The following ARHGAP31 variants were observed in gnomAD, a reference collection of about 807,000 sequenced individuals.
ARHGAP31 encodes rho GTPase-activating protein 31.
ARHGAP31 carries 34 observed loss-of-function variants against 113.9 expected under a neutral mutation model. The ratio of observed to expected loss-of-function variants is 0.30; its 90% CI spans 0.23 to 0.40. ARHGAP31 has a LOEUF of 0.40. Among genes scored for constraint, ARHGAP31 ranks in the 10% least tolerant of loss-of-function variants. The pLI is 1.00. For synonymous variants in ARHGAP31, 650 were observed against 684.8 expected, an observed-to-expected ratio of 0.95 and a Z score of 0.79; for missense variants, 1,548 against 1,767.1, an observed-to-expected ratio of 0.88 and a Z score of 2.22.
At chr3:119,383,258 G>C (rs1577022209) in intron 6 of ARHGAP31, 32 bp downstream of exon 6, 2 of 1,613,344 alleles carry the variant, frequency 1.2e-6, no homozygotes, top group Non-Finnish European at 8.5e-7. Context: ...CACTCCACCA[G>C]CTTATCCTTC....
At position 119,380,890 on chromosome 3, in the gene ARHGAP31, GTTC is replaced by G. The variant is rs771235886; in HGVS notation, c.349-9_349-7del. On this transcript the variant is annotated splice_polypyrimidine_tract_variant and intron_variant, in intron 3 of 11. Transcript: ENST00000264245. ...TCAAGCACTCACCAGGCTGCCTTGT[GTTC>G]TTCTCCACAGGAGGCAGTGTCGCAT... The G allele has an allele frequency of 1.2e-6, 2 of 1,613,702 alleles. No homozygotes were observed. Among genetic ancestry groups the G allele is most frequent in the Admixed American group, 3.3e-5 (2 of 60,018 alleles).
chr3:119,346,973 A>C (rs970857945), intron 1 of ARHGAP31, among the ~76,000 whole-genome samples: 1 of 152,222 alleles, frequency 6.6e-6, no homozygotes, highest in Non-Finnish European at 1.5e-5. Flanking sequence ...TTGACAAAAA[A>C]GTGGAGAGCA....
chr3:119,311,039 T>A (rs2079678664), intron 1 of ARHGAP31, among the ~76,000 whole-genome samples: 1 of 152,190 alleles, frequency 6.6e-6, no homozygotes. Flanking sequence ...AGTGACAGCC[T>A]ATGTTCCCCT....
At chr3:119,390,348 G>A (rs1191752707) in intron 6 of ARHGAP31, among the ~76,000 whole-genome samples, 2 of 152,252 alleles carry the variant, frequency 1.3e-5, no homozygotes, top group African/African-American at 4.8e-5. Context: ...GCTGTGGGGA[G>A]GAGAGGCAGC....
intron 1 of ARHGAP31, among the ~76,000 whole-genome samples, chr3:119,302,194 G>T (rs1005494251): frequency 2.0e-5 from 3 of 152,202 alleles, no homozygotes; most frequent in South Asian, 2.1e-4. Flanking sequence ...CCCCCAAGGG[G>T]CTGGCCTCAA....
At chr3:119,313,459 A>T (rs1356831035) in intron 1 of ARHGAP31, among the ~76,000 whole-genome samples, 1 of 152,238 alleles carries the variant, frequency 6.6e-6, no homozygotes, top group Non-Finnish European at 1.5e-5. Flanking sequence ...TTTCATTGAT[A>T]ATTTCTATTA....
At chr3:119,389,192 T>TAACA (rs977682702) in intron 6 of ARHGAP31, among the ~76,000 whole-genome samples, 3 of 151,590 alleles carry the variant, frequency 2.0e-5, no homozygotes, top group Non-Finnish European at 2.9e-5. Context: ...CTTAACCAAC[T>TAACA]AACAAACAAA....
chr3:119,302,293 A>G (rs768882940), intron 1 of ARHGAP31, among the ~76,000 whole-genome samples: 3 of 152,226 alleles, frequency 2.0e-5, no homozygotes, highest in Non-Finnish European at 4.4e-5. Context: ...GCAGTATACA[A>G]TTTCAACTAA....
chr3:119,307,336 C>T (rs958046533), intron 1 of ARHGAP31, among the ~76,000 whole-genome samples: 1 of 152,162 alleles, frequency 6.6e-6, no homozygotes, highest in Admixed American at 6.5e-5. Flanking sequence ...ACCTTCCATA[C>T]CTATTAACTA....
intron 1 of ARHGAP31, among the ~76,000 whole-genome samples, chr3:119,307,962 C>CAAAAAAAAAAAAA (rs1398577788): frequency 1.0e-4 from 1 of 9,548 alleles, no homozygotes; most frequent in African/African-American, 4.1e-4. Context: ...AAAAAAAAAG[C>CAAAAAAAAAAAAA]TCAATCTTAG....
At chr3:119,315,079 A>G (rs1414943791) in intron 1 of ARHGAP31, among the ~76,000 whole-genome samples, 1 of 152,204 alleles carries the variant, frequency 6.6e-6, no homozygotes, top group Non-Finnish European at 1.5e-5. Flanking sequence ...CTTCTAGTAC[A>G]TTGTCCAGGT....
chr3:119,332,669 ACACACACG>A (rs1167709900), intron 1 of ARHGAP31, among the ~76,000 whole-genome samples: 28 of 147,216 alleles, frequency 1.9e-4, no homozygotes, highest in African/African-American at 6.5e-4. Context: ...ACACACACAC[ACACACACG>A]CATGCACGCA....
chr3:119,405,563 A>G (rs184311222), intron 10 of ARHGAP31, among the ~76,000 whole-genome samples: 16 of 152,262 alleles, frequency 1.1e-4, no homozygotes, highest in East Asian at 3.9e-4. Context: ...CATATTTCAC[A>G]TAGCCACACT....
intron 1 of ARHGAP31, among the ~76,000 whole-genome samples, chr3:119,320,066 C>T (rs2079768614): frequency 6.6e-6 from 1 of 152,164 alleles, no homozygotes. Context: ...GATTTCAATC[C>T]CAGAGCAAAA....
In ARHGAP31 at chr3:119,348,357, G is replaced by A. The variant is rs531340501; in HGVS notation, c.101-16959G>A. 2.2e-4 allele frequency among the ~76,000 whole-genome samples: 33 copies of A among 152,288 alleles called. No homozygotes were observed. In the South Asian group the frequency reaches 6.4e-3, roughly 30 times the overall value. On this transcript the variant is annotated intron_variant, in intron 1 of 11. Transcript: ENST00000264245. ...CCTGACCCTGGTCCATGGAAAAATT[G>A]TCTTCCACGAAACCGGTCCCCGGTG...
intron 1 of ARHGAP31, among the ~76,000 whole-genome samples, chr3:119,356,915 G>T (rs915484633): frequency 6.6e-6 from 1 of 152,150 alleles, no homozygotes; most frequent in Admixed American, 6.5e-5. Context: ...ATTTCTAGAA[G>T]AAGAATGACT....
At chr3:119,354,175 C>A (rs2107617894) in intron 1 of ARHGAP31, among the ~76,000 whole-genome samples, 1 of 152,332 alleles carries the variant, frequency 6.6e-6, no homozygotes, top group Middle Eastern at 3.4e-3. Context: ...TCAGCCATCC[C>A]AGGCCAGCAG....
intron 1 of ARHGAP31, among the ~76,000 whole-genome samples, chr3:119,364,156 C>T (rs1477242311): frequency 2.7e-5 from 4 of 146,812 alleles, no homozygotes; most frequent in South Asian, 4.3e-4. Context: ...GAGGCAGGAA[C>T]TCAGGAGGCC....
intron 3 of ARHGAP31, among the ~76,000 whole-genome samples, chr3:119,372,150 T>C (rs1164949011): frequency 6.6e-6 from 1 of 152,136 alleles, no homozygotes; most frequent in African/African-American, 2.4e-5. Context: ...GGTCGAATAA[T>C]AGTTCTGTTT....
Sources: allele counts gnomAD v4.1 joint callset (sites outside exome capture counted in the v4.1 genomes callset), GRCh38; gene constraint gnomAD v4.1.1; transcripts MANE v1.5; gene names NCBI Gene and HGNC (gene_info 2026-07-23, HGNC 2026-07-21).